SH3D21: variants seen among roughly 807,000 people sequenced by gnomAD.
The protein encoded by SH3D21 is manchette microtubule inner protein 1.
In SH3D21, 83 loss-of-function variants were observed where a neutral mutation model predicts 82.1. The observed-to-expected ratio is 1.01, with a 90% CI of 0.85 to 1.21. The LOEUF is 1.21. Ranked by LOEUF, SH3D21 falls within the 50% of genes most tolerant of loss-of-function variation. SH3D21 has a pLI of 0.00. For missense variants in SH3D21, 980 were observed against 962.1 expected (o/e 1.02, Z -0.25); for synonymous variants, 383 against 387.8 (o/e 0.99, Z 0.15).
downstream of SH3D21, chr1:36,322,710 A>C: frequency 5.2e-6 from 8 of 1,546,948 alleles, no homozygotes; most frequent in Non-Finnish European, 7.0e-6. Context: ...GTAGAGGCCG[A>C]AGCTCTCGGG....
At chr1:36,321,466 C>CG, downstream of SH3D21, 1 of 1,025,106 alleles carries the variant, frequency 9.8e-7, no homozygotes, top group Non-Finnish European at 1.2e-6. This position sits in a 1 kb window ranked among gnomAD's most constrained non-coding sequence, Gnocchi z 6.1. Context: ...CAGGCGGGGT[C>CG]GGGCTCTTGA....
intron 10 of SH3D21, among the ~76,000 whole-genome samples, chr1:36,318,808 C>T (rs1646387846): frequency 6.6e-6 from 1 of 151,668 alleles, no homozygotes; most frequent in Admixed American, 6.6e-5. Flanking sequence ...ATTCGGGAGG[C>T]TGAGGCAGAA....
At chr1:36,314,038 G>A (rs1476958671) in intron 10 of SH3D21, among the ~76,000 whole-genome samples, 5 of 115,804 alleles carry the variant, frequency 4.3e-5, no homozygotes, top group Admixed American at 3.6e-4. Context: ...GCAGTGGTGC[G>A]ATCTTGGCTC....
downstream of SH3D21, chr1:36,329,178 T>G (rs544021966): frequency 1.3e-5 from 2 of 152,340 alleles, no homozygotes; most frequent in Non-Finnish European, 2.9e-5. Context: ...ATCCAATGGT[T>G]TTTTTGTCCT....
chr1:36,309,030 C>G (rs1166328473), intron 9 of SH3D21, among the ~76,000 whole-genome samples: 1 of 151,874 alleles, frequency 6.6e-6, no homozygotes, highest in Non-Finnish European at 1.5e-5. Flanking sequence ...TCATATACAC[C>G]TTAAGCCATA....
Position 36,307,630 on chromosome 1 carries a change from C to G in SH3D21, c.436+23C>G. 6.5e-7 allele frequency: 1 copy of G among 1,550,364 alleles called. No individual in the cohort carries two copies. Among genetic ancestry groups the G allele is most frequent in the African/African-American group, 1.4e-5 (1 of 73,128 alleles). Reference sequence around the variant, plus strand: ...CAAGTGAGACCTCGACTCTGTGACCCTGTGACTCGCAATCTCCAATGACCC... The same window carrying G: ...CAAGTGAGACCTCGACTCTGTGACCGTGTGACTCGCAATCTCCAATGACCC... On this transcript the variant is annotated intron_variant, in intron 5 of 15. Coordinates refer to ENST00000453908, the MANE Select transcript of SH3D21 (RefSeq NM_001162530.2). The surrounding 1 kb of genome is among the most constrained non-coding windows in gnomAD (Gnocchi z 5.4).
chr1:36,318,235 G>T (rs1329089737), intron 10 of SH3D21, among the ~76,000 whole-genome samples: 4 of 152,192 alleles, frequency 2.6e-5, no homozygotes, highest in Non-Finnish European at 5.9e-5. Context: ...GGACTGTGGG[G>T]AAAGGGGTAG....
chr1:36,326,270 T>G (rs1646544270), downstream of SH3D21, among the ~76,000 whole-genome samples: 1 of 151,610 alleles, frequency 6.6e-6, no homozygotes, highest in Non-Finnish European at 1.5e-5. Flanking sequence ...TCACTCTTGT[T>G]GCCCAGGCTG....
At chr1:36,310,201 G>A (rs190526597) in intron 10 of SH3D21, among the ~76,000 whole-genome samples, 3 of 152,252 alleles carry the variant, frequency 2.0e-5, no homozygotes, top group East Asian at 1.9e-4. Context: ...TGATCCACCC[G>A]CCTCAGCCTC....
intron 9 of SH3D21, 68 bp from the exon 10 acceptor site, chr1:36,309,480 C>T (rs1180481923): frequency 1.3e-6 from 2 of 1,537,532 alleles, no homozygotes; most frequent in East Asian, 2.5e-5. Flanking sequence ...GCCACCACGC[C>T]TGGCCTGCAT....
chr1:36,308,127 A>T lies in SH3D21; in HGVS notation c.557A>T (p.Tyr186Phe), dbSNP rs974604239. The T allele has an allele frequency of 1.3e-6, 2 of 1,549,732 alleles. No individual in the cohort carries two copies. The highest frequency in any genetic ancestry group is 3.9e-5 in the Admixed American group (2 of 50,778). The change falls in exon 8 of 16, where the codon TAC becomes TTC. Residue 186 changes from tyrosine (Y) to phenylalanine (F), a missense_variant. Physicochemically the swap from Tyr to Phe is conservative, Grantham distance 22. Coordinates refer to ENST00000453908, the MANE Select transcript of SH3D21 (RefSeq NM_001162530.2). ...TTCCCAGTCTCCCACCCTGAGGTCT[A>T]CAGGGTCCTGTTTGACTACCAGCCT... The part of the protein sequence containing the change: ...YLQTVSHPEV[Y>F]RVLFDYQPEA...
At chr1:36,308,235 C>G in intron 8 of SH3D21, 26 bp downstream of exon 8, 2 of 1,504,888 alleles carry the variant, frequency 1.3e-6, no homozygotes, top group Non-Finnish European at 1.8e-6. Context: ...GGTGGGGGGG[C>G]CCAGGGAAGC....
intron 12 of SH3D21, 57 bp downstream of exon 12, chr1:36,319,369 G>C: frequency 7.1e-6 from 11 of 1,550,814 alleles, no homozygotes; most frequent in Non-Finnish European, 8.7e-6. Flanking sequence ...TGGGGTGGCT[G>C]TGCGGAGGGA....
rs188757055 is a variant in SH3D21, at chr1:36,314,558, C to T, written c.770-4513C>T. Among the ~76,000 whole-genome samples, 1,075 of 150,558 alleles carry T rather than the reference C, an allele frequency of 7.1e-3. 2 individuals carry two copies. The highest frequency in any genetic ancestry group is 0.011 in the Non-Finnish European group (729 of 67,754). ...GTAACCTCTGCCTCCTGGGTTCAAG[C>T]GATTTTCCTGCCTCAGCCTCCCAAG... On this transcript the variant is annotated intron_variant, in intron 10 of 15. Transcript: ENST00000453908.
In SH3D21 at chr1:36,319,472, C is replaced by T. The variant is rs771912037; in HGVS notation, c.947C>T (p.Ser316Leu). The T allele has an allele frequency of 4.5e-6, 7 of 1,551,560 alleles. No homozygotes were observed. Among genetic ancestry groups the T allele is most frequent in the South Asian group, 1.2e-5 (1 of 84,046 alleles). ...AATGGTGGCTTCCAAAGTGGGGGTT[C>T]GTATCACCCTGGCCGAAAGCGATCC... ...GPNGGFQSGG[S>L]YHPGRKRSKT... Residue 316 changes from serine to leucine, a missense_variant, in exon 13 of 16, where the codon TCG becomes TTG. By Grantham distance (145) the Ser-to-Leu change is moderately radical. Transcript: ENST00000453908.
intron 10 of SH3D21, among the ~76,000 whole-genome samples, chr1:36,311,694 G>C (rs1646244525): frequency 6.6e-6 from 1 of 151,912 alleles, no homozygotes; most frequent in Non-Finnish European, 1.5e-5. Context: ...CAATTTGGGG[G>C]GTTTCTTTTT....
At chr1:36,322,450 A>G, downstream of SH3D21, 1 of 1,604,542 alleles carries the variant, frequency 6.2e-7, no homozygotes, top group Non-Finnish European at 8.5e-7. Context: ...TCCTCCGCCG[A>G]CGTGAAGACG....
At position 36,319,278 on chromosome 1, in the gene SH3D21, C is replaced by G; in HGVS notation, c.882C>G (p.Ser294Arg). 6.4e-7 allele frequency: 1 copy of G among 1,551,620 alleles called. No individual in the cohort carries two copies. The highest frequency in any genetic ancestry group is 8.7e-7 in the Non-Finnish European group (1 of 1,146,972). The change falls in exon 12 of 16, where the codon AGC becomes AGG. Residue 294 changes from serine to arginine, a missense_variant. Coordinates refer to ENST00000453908, the MANE Select transcript of SH3D21 (RefSeq NM_001162530.2). Reference protein sequence around the residue: ...PSKAKTSRTPSRDSQKLTSRD... With the variant: ...PSKAKTSRTPRRDSQKLTSRD... ...GTTCCAGGACATCTCGGACACCCAG[C>G]AGGGACAGTCAGAAGCTCACCTCCC...
chr1:36,307,152 C>T lies in SH3D21; in HGVS notation c.227-15C>T. 6.4e-7 allele frequency: 1 copy of T among 1,551,392 alleles called. No homozygotes were observed. The highest frequency in any genetic ancestry group is 8.7e-7 in the Non-Finnish European group (1 of 1,146,870). Reference sequence around the variant, plus strand: ...GGCGTCCGACTGGAGCTCAGCCGCGCTTGTCCGGTGCTAGGTCATCCTGCC... The same window carrying T: ...GGCGTCCGACTGGAGCTCAGCCGCGTTTGTCCGGTGCTAGGTCATCCTGCC... On this transcript the variant is annotated splice_polypyrimidine_tract_variant and intron_variant, in intron 3 of 15. Transcript: ENST00000453908. This position sits in a 1 kb window ranked among gnomAD's most constrained non-coding sequence, Gnocchi z 5.4.
Sources: allele counts gnomAD v4.1 joint callset (sites outside exome capture counted in the v4.1 genomes callset), GRCh38; gene constraint gnomAD v4.1.1; non-coding constraint Gnocchi (gnomAD v3.1); transcripts MANE v1.5; gene names NCBI Gene and HGNC (gene_info 2026-07-23, HGNC 2026-07-21).